CDH12: variants seen among roughly 807,000 people sequenced by gnomAD.
The protein encoded by CDH12 is cadherin-12.
A neutral mutation model predicts 74.1 loss-of-function variants in CDH12; 41 were observed. The ratio of observed to expected loss-of-function variants is 0.55; its 90% CI spans 0.43 to 0.72. The LOEUF is 0.72. CDH12 is among the 30% of genes least tolerant of loss of function. The probability of loss-of-function intolerance (pLI) is 0.00; values close to 1 mark genes in which losing one functional copy is unlikely to be tolerated. For missense variants in CDH12, 945 were observed against 977.2 expected, an observed-to-expected ratio of 0.97 and a Z score of 0.44; for synonymous variants, 399 against 355.0, an observed-to-expected ratio of 1.12 and a Z score of -1.39.
chr5:22,726,410 T>C (rs567447290), intron 1 of CDH12, among the ~76,000 whole-genome samples: 34 of 151,892 alleles, frequency 2.2e-4, no homozygotes, highest in African/African-American at 8.2e-4. Context: ...TAATTCATCG[T>C]CTAGATGTAT....
intron 6 of CDH12, among the ~76,000 whole-genome samples, chr5:21,857,995 G>T (rs1750841649): frequency 6.6e-6 from 1 of 151,128 alleles, no homozygotes; most frequent in African/African-American, 2.4e-5. Context: ...GAGAGACAGA[G>T]AGAGGATCTC....
At chr5:22,415,782 T>C (rs1743357019) in intron 2 of CDH12, among the ~76,000 whole-genome samples, 3 of 151,924 alleles carry the variant, frequency 2.0e-5, no homozygotes, top group Admixed American at 1.3e-4. Flanking sequence ...GTTCTAGGAG[T>C]GGGGTGCTAC....
intron 1 of CDH12, among the ~76,000 whole-genome samples, chr5:22,604,034 G>A (rs1736979062): frequency 6.6e-6 from 1 of 152,152 alleles, no homozygotes; most frequent in Non-Finnish European, 1.5e-5. Context: ...TGGAGGGTCT[G>A]GTCTCTCTTA....
chr5:22,563,391 T>C (rs1195755964), intron 1 of CDH12, among the ~76,000 whole-genome samples: 1 of 152,142 alleles, frequency 6.6e-6, no homozygotes. Flanking sequence ...CTGAGAAATG[T>C]CTATGCAGCT....
intron 3 of CDH12, among the ~76,000 whole-genome samples, chr5:22,258,150 C>A (rs1330467887): frequency 6.6e-6 from 1 of 151,888 alleles, no homozygotes; most frequent in Non-Finnish European, 1.5e-5. Flanking sequence ...GTTTCTGAAA[C>A]TCGATAATAA....
chr5:22,479,020 G>C (rs1278299834), intron 2 of CDH12, among the ~76,000 whole-genome samples: 1 of 152,128 alleles, frequency 6.6e-6, no homozygotes, highest in Non-Finnish European at 1.5e-5. Context: ...ATCATCCATA[G>C]GGTGATTTAG....
intron 3 of CDH12, among the ~76,000 whole-genome samples, chr5:22,387,706 T>C (rs1742057482): frequency 6.6e-6 from 1 of 152,112 alleles, no homozygotes; most frequent in African/African-American, 2.4e-5. Flanking sequence ...GAATGAGAGA[T>C]GGGAGAGATG....
In CDH12 at chr5:21,910,034, A is replaced by T. The variant is rs1262861023; in HGVS notation, c.527-55244T>A. On this transcript the variant is annotated intron_variant, in intron 6 of 14. Coordinates refer to ENST00000382254, the MANE Select transcript of CDH12 (RefSeq NM_004061.5). The stretch of plus-strand genomic sequence containing the variant: ...TTTTGACACAGAACTAGAGGGTTCC[A>T]GTTGAGAAACATCTATGCTTCTCAA... Among the ~76,000 whole-genome samples, 3 of 152,320 alleles carry T rather than the reference A, an allele frequency of 2.0e-5. No homozygotes were observed. The East Asian group carries it at 5.8e-4, about 29-fold the overall frequency.
At chr5:21,817,798 G>C (rs954844344) in intron 8 of CDH12, among the ~76,000 whole-genome samples, 1 of 141,718 alleles carries the variant, frequency 7.1e-6, no homozygotes, top group East Asian at 2.0e-4. Context: ...TCTGTCTCCC[G>C]AAGTTTTTTA....
intron 1 of CDH12, among the ~76,000 whole-genome samples, chr5:22,602,375 A>C (rs888068868): frequency 6.6e-6 from 1 of 152,170 alleles, no homozygotes. Flanking sequence ...ATAATCCAGC[A>C]ATTAAGGAAA....
At chr5:22,669,627 T>C (rs147005064) in intron 1 of CDH12, among the ~76,000 whole-genome samples, 1 of 152,192 alleles carries the variant, frequency 6.6e-6, no homozygotes, top group Non-Finnish European at 1.5e-5. Context: ...CATGAACTTT[T>C]GTCATTTGTC....
chr5:22,460,508 G>A (rs1039252352), intron 2 of CDH12, among the ~76,000 whole-genome samples: 9 of 152,132 alleles, frequency 5.9e-5, no homozygotes, highest in Admixed American at 2.6e-4. Flanking sequence ...CTTTGGAGGT[G>A]TGGCTCAAAA....
intron 1 of CDH12, among the ~76,000 whole-genome samples, chr5:22,623,672 A>G (rs1276042733): frequency 1.3e-5 from 2 of 152,206 alleles, no homozygotes; most frequent in Non-Finnish European, 2.9e-5. Flanking sequence ...AGAGGACACA[A>G]ACAAATGGAA....
chr5:22,428,760 A>G (rs1404443418), intron 2 of CDH12, among the ~76,000 whole-genome samples: 2 of 152,204 alleles, frequency 1.3e-5, no homozygotes, highest in Non-Finnish European at 2.9e-5. Flanking sequence ...CCAGTCGTCA[A>G]TCTACCTTGA....
intron 8 of CDH12, among the ~76,000 whole-genome samples, chr5:21,824,840 C>CAA (rs1748571172): frequency 6.6e-6 from 1 of 152,052 alleles, no homozygotes; most frequent in Admixed American, 6.6e-5. Flanking sequence ...TCACACTCTA[C>CAA]AAAACATGCT....
chr5:22,280,847 G>C (rs1334461235), intron 3 of CDH12, among the ~76,000 whole-genome samples: 3 of 152,162 alleles, frequency 2.0e-5, no homozygotes, highest in African/African-American at 7.2e-5. Context: ...AATAGAAAAA[G>C]AGCGAATCCT....
chr5:22,517,493 C>A (rs1736859815), intron 1 of CDH12, among the ~76,000 whole-genome samples: 1 of 152,106 alleles, frequency 6.6e-6, no homozygotes, highest in South Asian at 2.1e-4. Context: ...ATATTATCAG[C>A]CACAAAACTA....
chr5:22,051,489 G>T (rs1255647661), intron 5 of CDH12, among the ~76,000 whole-genome samples: 1 of 152,032 alleles, frequency 6.6e-6, no homozygotes, highest in Non-Finnish European at 1.5e-5. Context: ...TGTTGCTGTT[G>T]GATAAATCAA....
At chr5:22,594,652 C>A (rs981197367) in intron 1 of CDH12, among the ~76,000 whole-genome samples, 17 of 152,164 alleles carry the variant, frequency 1.1e-4, no homozygotes, top group African/African-American at 3.6e-4. Flanking sequence ...GCTGAACTAG[C>A]GCAAGAAGTA....
Sources: gnomAD v4.1 joint callset for allele counts (sites outside exome capture counted in the v4.1 genomes callset) on GRCh38, gnomAD v4.1.1 for gene constraint, MANE v1.5 for transcripts, NCBI Gene and HGNC (gene_info 2026-07-23, HGNC 2026-07-21) for gene names.